Variants in ASXL2 observed in about 807,000 individuals in gnomAD.
ASXL2 encodes putative Polycomb group protein ASXL2.
A neutral mutation model predicts 122.0 loss-of-function variants in ASXL2; 23 were observed. The ratio of observed to expected loss-of-function variants is 0.19; its 90% CI spans 0.14 to 0.27. The LOEUF (loss-of-function observed/expected upper bound fraction) is 0.27. ASXL2 is among the 10% of genes least tolerant of loss of function. The pLI, the probability that ASXL2 is intolerant of heterozygous loss-of-function variation, is 1.00. For missense variants in ASXL2, 1,518 were observed against 1,713.8 expected, an observed-to-expected ratio of 0.89 and a Z score of 2.02; for synonymous variants, 650 against 637.0, an observed-to-expected ratio of 1.02 and a Z score of -0.31.
At chr2:25,804,209 T>C (rs2089044888) in intron 4 of ASXL2, among the ~76,000 whole-genome samples, 1 of 152,196 alleles carries the variant, frequency 6.6e-6, no homozygotes, top group Admixed American at 6.5e-5. Flanking sequence ...TTGGGCACAG[T>C]GATGACTGCA....
chr2:25,757,654 G>A (rs1398678642), intron 9 of ASXL2, among the ~76,000 whole-genome samples: 3 of 106,986 alleles, frequency 2.8e-5, no homozygotes, highest in South Asian at 7.1e-4. Context: ...CAGCTCAGGC[G>A]ACAGAGGGAG....
chr2:25,845,634 TAATTAC>T (rs966939785), intron 1 of ASXL2, 71 bp from the exon 2 acceptor site: 5 of 693,864 alleles, frequency 7.2e-6, no homozygotes, highest in African/African-American at 5.7e-5. Context: ...ATATTTCTTA[TAATTAC>T]GTCTTAAAAG....
In ASXL2 at chr2:25,878,475, G is replaced by A; in HGVS notation, c.-253C>T. 1 of 511,960 alleles carries A rather than the reference G, an allele frequency of 2.0e-6. No homozygotes were observed. The highest frequency in any genetic ancestry group is 3.5e-5 in the East Asian group (1 of 28,502). The allele number at this position is 511,960 out of a possible 1,614,324, so 31.7% of individuals were successfully genotyped here. ...TTGGGTTCTTACTGTACAGGCTGCC[G>A]CTACGGTCATGTGACCGCTCCCGCG... On this transcript the variant is annotated 5_prime_UTR_variant, in exon 1 of 13. Coordinates refer to ENST00000435504, the MANE Select transcript of ASXL2 (RefSeq NM_018263.6).
chr2:25,798,824 C>G (rs114524674), intron 5 of ASXL2, among the ~76,000 whole-genome samples: 1 of 152,140 alleles, frequency 6.6e-6, no homozygotes, highest in East Asian at 1.9e-4. Context: ...AGCTGGAGCA[C>G]AGAAGATTTG....
intron 12 of ASXL2, among the ~76,000 whole-genome samples, chr2:25,746,498 G>GA (rs1211327564): frequency 2.9e-5 from 2 of 67,852 alleles, no homozygotes; most frequent in Non-Finnish European, 8.7e-5. Context: ...AACTGCAGGG[G>GA]AAAAAATGAA....
chr2:25,748,212 A>T (rs1249378799), intron 12 of ASXL2, among the ~76,000 whole-genome samples: 5 of 150,968 alleles, frequency 3.3e-5, no homozygotes, highest in Non-Finnish European at 4.4e-5. Context: ...TAAAAAAGTA[A>T]TAGGAAGTAC....
At chr2:25,863,190 C>T (rs547762267) in intron 1 of ASXL2, among the ~76,000 whole-genome samples, 2 of 151,792 alleles carry the variant, frequency 1.3e-5, no homozygotes, top group South Asian at 4.2e-4. Flanking sequence ...ATTAGCCGGG[C>T]GTGGTGGTAC....
chr2:25,756,154 G>T, intron 9 of ASXL2, 40 bp from the exon 10 acceptor site: 1 of 1,341,936 alleles, frequency 7.5e-7, no homozygotes, highest in Non-Finnish European at 1.0e-6. Flanking sequence ...TACAAAGAAA[G>T]TGAAAGGTAT....
chr2:25,863,549 C>T (rs1224354392), intron 1 of ASXL2, among the ~76,000 whole-genome samples: 1 of 151,358 alleles, frequency 6.6e-6, no homozygotes, highest in African/African-American at 2.4e-5. Context: ...AAAAATTAGC[C>T]AGGCGTGGTG....
In ASXL2 at chr2:25,771,501, G is replaced by T. The variant is rs773761565; in HGVS notation, c.443C>A (p.Thr148Asn). 1.2e-6 allele frequency: 2 copies of T among 1,613,818 alleles called. No individual in the cohort carries two copies. The highest frequency in any genetic ancestry group is 1.7e-6 in the Non-Finnish European group (2 of 1,179,828). Residue 148 changes from threonine to asparagine, a missense_variant, in exon 6 of 13, where the codon ACC (threonine) becomes AAC (asparagine). This residue lies in a region of ASXL2 where 198 missense variants were observed against 209.0 expected (regional missense o/e 0.95). Transcript: ENST00000435504. ...AGAAATGACTTTACCTGCTGGAATGGTGGGTGATGGGCAGCCTGACTGCGG... is the reference window on the plus strand; with the variant it reads ...AGAAATGACTTTACCTGCTGGAATGTTGGGTGATGGGCAGCCTGACTGCGG... ...SSPQSGCPSP[T>N]IPAGKVISPS...
chr2:25,832,530 G>A (rs2089466033), intron 3 of ASXL2, among the ~76,000 whole-genome samples: 1 of 151,728 alleles, frequency 6.6e-6, no homozygotes, highest in Non-Finnish European at 1.5e-5. Context: ...TATAAATGGT[G>A]TAAACACACA....
intron 4 of ASXL2, among the ~76,000 whole-genome samples, chr2:25,802,703 T>C (rs951940023): frequency 4.6e-5 from 7 of 152,188 alleles, no homozygotes; most frequent in Non-Finnish European, 7.3e-5. Flanking sequence ...GTTGGAACTT[T>C]CACTCACTCC....
intron 1 of ASXL2, among the ~76,000 whole-genome samples, chr2:25,860,189 T>A (rs1574452606): frequency 2.0e-5 from 3 of 152,020 alleles, no homozygotes; most frequent in Non-Finnish European, 4.4e-5. Flanking sequence ...CGCATGCCTG[T>A]AATCCCAGCT....
Position 25,768,872 on chromosome 2 carries a change from T to C in ASXL2, c.505-4A>G, listed in dbSNP as rs74796436. ...TCTGCTGTTGCTGCTTTAGCGCCTA[T>C]AAAGATAAAACAGACTATAAGAAAC... On this transcript the variant is annotated splice_region_variant and splice_polypyrimidine_tract_variant and intron_variant, in intron 6 of 12. Transcript: ENST00000435504. The C allele has an allele frequency of 2.5e-6, 4 of 1,613,210 alleles. No homozygotes were observed. Among genetic ancestry groups the C allele is most frequent in the East Asian group, 4.5e-5 (2 of 44,888 alleles).
chr2:25,835,779 T>G (rs1574440457), intron 2 of ASXL2, among the ~76,000 whole-genome samples: 1 of 152,252 alleles, frequency 6.6e-6, no homozygotes, highest in Admixed American at 6.5e-5. Context: ...CTAAACTACT[T>G]CAGAAAACAG....
intron 2 of ASXL2, 42 bp downstream of exon 2, chr2:25,845,439 T>C (rs538517276): frequency 1.5e-6 from 2 of 1,350,424 alleles, no homozygotes; most frequent in Non-Finnish European, 2.0e-6. Flanking sequence ...AATACTCTGA[T>C]CAAGTATTAT....
rs1365887154 is a variant in ASXL2 at position 25,742,222 on chromosome 2, G to C, written c.4115C>G (p.Ala1372Gly). Residue 1372 changes from alanine to glycine, a missense_variant, in exon 13 of 13, where the codon GCT (alanine) becomes GGT (glycine). Ala to Gly is a moderately conservative substitution (Grantham distance 60). This residue lies in a region of ASXL2 where 831 missense variants were observed against 833.1 expected (regional missense o/e 1.00). Coordinates refer to ENST00000435504, the MANE Select transcript of ASXL2 (RefSeq NM_018263.6). The stretch of plus-strand genomic sequence containing the variant: ...CTGGCCATGGCTGCTGGGATTCATA[G>C]CTTGGCTAGCAGGGATGGTAGTGAC... The part of the protein sequence containing the change: ...VTVTTIPASQ[A>G]MNPSSHGQTI... 6.2e-7 allele frequency: 1 copy of C among 1,613,906 alleles called. No individual in the cohort carries two copies.
chr2:25,756,465 G>GAAAAAAAAAAAAAA (rs71399321), intron 9 of ASXL2, among the ~76,000 whole-genome samples: 42 of 91,294 alleles, frequency 4.6e-4, no homozygotes, highest in East Asian at 1.4e-3. Flanking sequence ...AAAAAAAAAA[G>GAAAAAAAAAAAAAA]AAAAAAAAAA....
At chr2:25,771,639 G>A in intron 5 of ASXL2, 99 bp from the exon 6 acceptor site, 1 of 925,508 alleles carries the variant, frequency 1.1e-6, no homozygotes, top group Non-Finnish European at 1.6e-6. Flanking sequence ...TAAGAACTAT[G>A]ACCAAACACT....
Sources: gnomAD v4.1 joint callset for allele counts (sites outside exome capture counted in the v4.1 genomes callset) on GRCh38, gnomAD v4.1.1 for gene constraint, gnomAD v4.1.1 regional missense constraint, MANE v1.5 for transcripts, NCBI Gene and HGNC (gene_info 2026-07-23, HGNC 2026-07-21) for gene names.